The following TUSC3 variants were observed in gnomAD, a reference collection of about 807,000 sequenced individuals.
TUSC3 encodes the protein dolichyl-diphosphooligosaccharide--protein glycosyltransferase subunit TUSC3.
TUSC3 carries 45 observed loss-of-function variants against 44.8 expected under a neutral mutation model. That is an observed-to-expected ratio of 1.00 (90% confidence interval 0.79 to 1.29). The LOEUF (loss-of-function observed/expected upper bound fraction) is 1.29, where lower values mean the gene tolerates loss of function less well. TUSC3 is among the 50% of genes most tolerant of loss of function. The pLI is 0.00. For missense variants in TUSC3, 519 were observed against 437.9 expected (o/e 1.19, Z -1.65); for synonymous variants, 212 against 152.9 (o/e 1.39, Z -2.85).
At chr8:15,811,318 A>C in the TUSC3 span, among the ~76,000 whole-genome samples, 1 of 152,168 alleles carries the variant, frequency 6.6e-6, no homozygotes, top group Non-Finnish European at 1.5e-5. Context: ...AATTGTCCAC[A>C]TCAAGTGTCT....
chr8:15,567,067 T>C (rs1175305840), intron 1 of TUSC3, among the ~76,000 whole-genome samples: 2 of 152,288 alleles, frequency 1.3e-5, no homozygotes, highest in Non-Finnish European at 2.9e-5. Context: ...CATGGCTCTT[T>C]TAACTTAGTG....
At chr8:15,489,666 C>G (rs898815940) in intron 2 of TUSC3, among the ~76,000 whole-genome samples, 1 of 152,142 alleles carries the variant, frequency 6.6e-6, no homozygotes, top group Non-Finnish European at 1.5e-5. Flanking sequence ...CTCACTGCCA[C>G]AAAGAGTCTG....
At chr8:15,461,222 C>G (rs547798229) in intron 1 of TUSC3, among the ~76,000 whole-genome samples, 2 of 152,118 alleles carry the variant, frequency 1.3e-5, no homozygotes, top group South Asian at 2.1e-4. Flanking sequence ...TGTAGTTTTT[C>G]TTGTAGAGGT....
At chr8:15,443,176 C>CT (rs1284974971) in intron 1 of TUSC3, among the ~76,000 whole-genome samples, 2 of 151,106 alleles carry the variant, frequency 1.3e-5, no homozygotes, top group Admixed American at 6.6e-5. Flanking sequence ...TCCTTCCTTT[C>CT]TTTTTTTTAG....
chr8:15,534,548 C>T (rs542323029), intron 2 of TUSC3, among the ~76,000 whole-genome samples: 2 of 150,374 alleles, frequency 1.3e-5, no homozygotes, highest in East Asian at 2.0e-4. Flanking sequence ...GAGGCTGAGG[C>T]AGGAGAATGG....
chr8:15,812,253 A>G, the TUSC3 span, among the ~76,000 whole-genome samples: 1 of 152,204 alleles, frequency 6.6e-6, no homozygotes, highest in Admixed American at 6.5e-5. Context: ...TTGTAGACTG[A>G]AAGGTTCAAA....
chr8:15,537,330 G>A (rs970411880), upstream of TUSC3, among the ~76,000 whole-genome samples: 18 of 152,150 alleles, frequency 1.2e-4, no homozygotes, highest in African/African-American at 4.1e-4. Context: ...ACTTTAAGTC[G>A]TCCTGCCTTT....
At chr8:15,728,646 G>C (rs1005831965) in intron 6 of TUSC3, among the ~76,000 whole-genome samples, 1 of 152,156 alleles carries the variant, frequency 6.6e-6, no homozygotes, top group Admixed American at 6.5e-5. Context: ...GATATCAGGA[G>C]TTTCGTTTTA....
At chr8:15,600,447 G>A (rs1278692007) in intron 1 of TUSC3, among the ~76,000 whole-genome samples, 3 of 151,698 alleles carry the variant, frequency 2.0e-5, no homozygotes, top group East Asian at 3.9e-4. Flanking sequence ...TTAGAATTGG[G>A]TAGTGATTCT....
intron 1 of TUSC3, among the ~76,000 whole-genome samples, chr8:15,446,022 C>T (rs555426863): frequency 6.6e-5 from 10 of 150,988 alleles, no homozygotes; most frequent in African/African-American, 1.2e-4. Flanking sequence ...GGCCGGCTGC[C>T]GGGCGGAGGG....
At chr8:15,558,805 T>C (rs1802355946) in intron 1 of TUSC3, among the ~76,000 whole-genome samples, 1 of 146,494 alleles carries the variant, frequency 6.8e-6, no homozygotes. Context: ...GAGGTGTTTG[T>C]AGTATTCTCT....
chr8:15,845,756 G>A, the TUSC3 span, among the ~76,000 whole-genome samples: 2 of 152,102 alleles, frequency 1.3e-5, no homozygotes, highest in African/African-American at 2.4e-5. Flanking sequence ...CATTTCCACT[G>A]TGCTTATTTC....
chr8:15,584,469 A>T (rs1181959505), intron 1 of TUSC3, among the ~76,000 whole-genome samples: 2 of 152,206 alleles, frequency 1.3e-5, no homozygotes, highest in African/African-American at 4.8e-5. Context: ...ATCTAAAGGT[A>T]AAGAAAGTAC....
At chr8:15,660,928 A>G (rs1339817661) in intron 4 of TUSC3, among the ~76,000 whole-genome samples, 1 of 151,540 alleles carries the variant, frequency 6.6e-6, no homozygotes, top group Admixed American at 6.6e-5. Context: ...AAAACCCATA[A>G]AACTATATGT....
At chr8:15,425,421 T>C (rs1799791373) in intron 1 of TUSC3, among the ~76,000 whole-genome samples, 1 of 152,218 alleles carries the variant, frequency 6.6e-6, no homozygotes, top group Non-Finnish European at 1.5e-5. Context: ...GCCATAATCC[T>C]ATGATGAAAA....
At chr8:15,496,275 T>A (rs1800879053) in intron 2 of TUSC3, among the ~76,000 whole-genome samples, 1 of 152,210 alleles carries the variant, frequency 6.6e-6, no homozygotes, top group African/African-American at 2.4e-5. Context: ...TAACATATGT[T>A]CTGCCCTCTG....
chr8:15,596,658 T>C (rs575996520), intron 1 of TUSC3, among the ~76,000 whole-genome samples: 3 of 152,318 alleles, frequency 2.0e-5, no homozygotes, highest in Admixed American at 6.5e-5. Context: ...ATTACAGTTA[T>C]ATTTTTCTTT....
chr8:15,484,399 T>C (rs1434543637), intron 2 of TUSC3, among the ~76,000 whole-genome samples: 3 of 152,254 alleles, frequency 2.0e-5, no homozygotes, highest in South Asian at 4.1e-4. Context: ...TTTCGATTTA[T>C]GGTTATTTTT....
At chr8:15,785,964 A>G in the TUSC3 span, among the ~76,000 whole-genome samples, 1 of 152,212 alleles carries the variant, frequency 6.6e-6, no homozygotes. Flanking sequence ...ATTTAAATGT[A>G]TTATATGAAA....
Sources: gnomAD v4.1 joint callset for allele counts (sites outside exome capture counted in the v4.1 genomes callset) on GRCh38, gnomAD v4.1.1 for gene constraint, MANE v1.5 for transcripts, NCBI Gene and HGNC (gene_info 2026-07-23, HGNC 2026-07-21) for gene names.